Variants in PRH1 observed in about 807,000 individuals in gnomAD.
The protein encoded by PRH1 is proline rich protein HaeIII subfamily 1.
Under a neutral mutation model 7.9 loss-of-function variants are expected in PRH1, and 7 were observed. The ratio of observed to expected loss-of-function variants is 0.89; its 90% CI spans 0.50 to 1.67. The LOEUF (loss-of-function observed/expected upper bound fraction) is 1.67. PRH1 is among the 40% of genes most tolerant of loss of function. The probability of loss-of-function intolerance (pLI) is 0.00; values close to 1 mark genes in which losing one functional copy is unlikely to be tolerated. For missense variants in PRH1, 109 were observed against 223.6 expected (o/e 0.49, Z 3.27); for synonymous variants, 45 against 80.8 (o/e 0.56, Z 2.38).
rs142217078 is a variant in PRH1, at chr12:10,893,560, G to C, written c.-58-9285C>G. Among the ~76,000 whole-genome samples the C allele has an allele frequency of 3.9e-5, 6 of 152,328 alleles. No homozygotes were observed. The East Asian group carries it at 9.6e-4, about 24-fold the overall frequency. ...TAGGGGGGCAAAATTGCCCTGTGTGGAGAACCACTGTCCTAAAGGGATTTC... is the reference window on the plus strand; with the variant it reads ...TAGGGGGGCAAAATTGCCCTGTGTGCAGAACCACTGTCCTAAAGGGATTTC... On this transcript the variant is annotated intron_variant, in intron 2 of 3. Coordinates refer to the PRH1 transcript ENST00000539853.
chr12:11,149,013 G>C (rs1411194109), intron 1 of PRH1, among the ~76,000 whole-genome samples: 1 of 150,508 alleles, frequency 6.6e-6, no homozygotes, highest in Non-Finnish European at 1.5e-5. Context: ...GTTTAGTCTT[G>C]GGAGAGTGTA....
intron 1 of PRH1, among the ~76,000 whole-genome samples, chr12:11,002,425 T>C (rs1940637399): frequency 1.3e-5 from 2 of 152,130 alleles, no homozygotes; most frequent in Non-Finnish European, 2.9e-5. Flanking sequence ...GTATTTCCAA[T>C]GATTTACTGG....
chr12:10,983,031 T>C (rs527652218), intron 1 of PRH1, among the ~76,000 whole-genome samples: 1 of 152,200 alleles, frequency 6.6e-6, no homozygotes, highest in Non-Finnish European at 1.5e-5. Context: ...ACGGGCTCTA[T>C]AGCAGATATA....
intron 2 of PRH1, among the ~76,000 whole-genome samples, chr12:10,900,488 G>A (rs1450207192): frequency 6.6e-6 from 1 of 151,872 alleles, no homozygotes; most frequent in Non-Finnish European, 1.5e-5. Context: ...TTAGAGCAGG[G>A]TGGGGACCTC....
At chr12:10,938,930 T>C (rs1197711090) in intron 2 of PRH1, 3 of 1,613,906 alleles carry the variant, frequency 1.9e-6, no homozygotes. Flanking sequence ...ACTAAAATGA[T>C]TGATCACTGT....
upstream of PRH1, among the ~76,000 whole-genome samples, chr12:11,047,775 T>C (rs115754104): frequency 7.8e-3 from 1,184 of 152,262 alleles, 25 homozygotes; most frequent in African/African-American, 0.027. Context: ...CATCATTAGC[T>C]AACAACCATT....
At chr12:10,901,251 T>C (rs1335027093) in intron 2 of PRH1, among the ~76,000 whole-genome samples, 2 of 152,176 alleles carry the variant, frequency 1.3e-5, no homozygotes, top group Non-Finnish European at 2.9e-5. Context: ...TGCAGAAATC[T>C]TGGTTGGTGG....
rs1216547160 is a variant in PRH1, at chr12:11,092,362, A to G, written n.124-45174T>C. 2 of 509,310 alleles carry G rather than the reference A, an allele frequency of 3.9e-6. 1 individual carries two copies. The highest frequency in any genetic ancestry group is 7.1e-6 in the Non-Finnish European group (2 of 282,786). The allele number at this position is 509,310 out of a possible 1,614,324, so 31.5% of individuals were successfully genotyped here. A position where few individuals can be genotyped will look rare whatever the true frequency, so the allele number is the denominator to read the frequency against. ...TCACGGTGAGTGTTGCTGCTCTTAA[A>G]GATGGTGTGGACCCAAAGAGTGAGC... On this transcript the variant is annotated intron_variant and non_coding_transcript_variant, in intron 1 of 4. Transcript: ENST00000541977.
At chr12:10,896,065 A>C (rs762364354) in intron 2 of PRH1, among the ~76,000 whole-genome samples, 133 of 152,206 alleles carry the variant, frequency 8.7e-4, no homozygotes, top group Non-Finnish European at 1.5e-3. Context: ...AAAATATACA[A>C]GTTTTTTTCC....
intron 2 of PRH1, among the ~76,000 whole-genome samples, chr12:10,947,461 T>G (rs1314342871): frequency 6.6e-6 from 1 of 152,114 alleles, no homozygotes; most frequent in Non-Finnish European, 1.5e-5. Flanking sequence ...ACCCCCCTTT[T>G]TTCTGTTTTC....
intron 1 of PRH1, among the ~76,000 whole-genome samples, chr12:11,042,623 CTTTTTTTT>C (rs71051557): frequency 1.3e-4 from 10 of 79,312 alleles, no homozygotes; most frequent in Middle Eastern, 0.01. Context: ...CAGGCTCATT[CTTTTTTTT>C]TTTTTTTTTT....
At chr12:11,014,106 G>T (rs1226262890) in intron 1 of PRH1, among the ~76,000 whole-genome samples, 1 of 152,164 alleles carries the variant, frequency 6.6e-6, no homozygotes, top group Non-Finnish European at 1.5e-5. Context: ...CAACATGCGT[G>T]AATAAATAAA....
At chr12:10,899,664 A>G (rs1423918189) in intron 2 of PRH1, among the ~76,000 whole-genome samples, 2 of 152,204 alleles carry the variant, frequency 1.3e-5, no homozygotes, top group Non-Finnish European at 2.9e-5. Context: ...CTCAGCAGAA[A>G]CTAAGCAGAT....
intron 1 of PRH1, among the ~76,000 whole-genome samples, chr12:11,087,276 A>AT: frequency 8.6e-6 from 1 of 116,516 alleles, no homozygotes; most frequent in Non-Finnish European, 2.0e-5. Context: ...AATTTTTTAA[A>AT]TTTTTTGTAG....
chr12:10,885,947 T>C (rs1341021989), upstream of PRH1, among the ~76,000 whole-genome samples: 1 of 152,136 alleles, frequency 6.6e-6, no homozygotes, highest in Non-Finnish European at 1.5e-5. Flanking sequence ...TCCTAGTAGA[T>C]TAGATTTTGC....
At chr12:11,167,067 A>T (rs1199866182) in intron 1 of PRH1, among the ~76,000 whole-genome samples, 1 of 152,208 alleles carries the variant, frequency 6.6e-6, no homozygotes, top group Non-Finnish European at 1.5e-5. Context: ...CAATAATCAC[A>T]TTTGCAAAAT....
At chr12:11,096,981 G>T (rs1368260325) in intron 1 of PRH1, among the ~76,000 whole-genome samples, 1 of 113,878 alleles carries the variant, frequency 8.8e-6, no homozygotes, top group African/African-American at 3.0e-5. Context: ...CGTATTTTTA[G>T]TAGAGACGGG....
At chr12:11,171,518 CG>C, upstream of PRH1, 1 of 1,232,320 alleles carries the variant, frequency 8.1e-7, no homozygotes, top group East Asian at 3.2e-5. Flanking sequence ...ACTTCTACGT[CG>C]CGGGCTCGGT....
At chr12:10,962,951 T>A (rs975555544) in intron 2 of PRH1, among the ~76,000 whole-genome samples, 2 of 152,316 alleles carry the variant, frequency 1.3e-5, no homozygotes, top group Admixed American at 1.3e-4. Flanking sequence ...TTTGTATTTT[T>A]AGCAGAGACC....
Sources: allele counts gnomAD v4.1 joint callset (sites outside exome capture counted in the v4.1 genomes callset), GRCh38; gene constraint gnomAD v4.1.1; transcripts MANE v1.5; gene names NCBI Gene and HGNC (gene_info 2026-07-23, HGNC 2026-07-21).